NPAS2: variants seen among roughly 807,000 people sequenced by gnomAD.
NPAS2 encodes neuronal PAS domain-containing protein 2.
Under a neutral mutation model 107.5 loss-of-function variants are expected in NPAS2, and 23 were observed. The observed-to-expected ratio is 0.21, with a 90% CI of 0.15 to 0.30. The LOEUF (loss-of-function observed/expected upper bound fraction) is 0.30. Ranked by LOEUF, NPAS2 falls within the 10% of genes least tolerant of loss-of-function variation. The pLI, the probability that NPAS2 is intolerant of heterozygous loss-of-function variation, is 1.00. For missense variants in NPAS2, 756 were observed against 1,043.3 expected (o/e 0.72, Z 3.79); for synonymous variants, 403 against 417.5 (o/e 0.97, Z 0.42).
At chr2:100,980,904 CTT>C (rs767010372) in intron 15 of NPAS2, among the ~76,000 whole-genome samples, 2 of 152,128 alleles carry the variant, frequency 1.3e-5, no homozygotes, top group Non-Finnish European at 2.9e-5. Flanking sequence ...GCTCCTAAGA[CTT>C]GGGATTTACA....
At chr2:100,874,355 C>T (rs150114273) in intron 1 of NPAS2, among the ~76,000 whole-genome samples, 1 of 152,132 alleles carries the variant, frequency 6.6e-6, no homozygotes, top group African/African-American at 2.4e-5. Flanking sequence ...TTGCCATATG[C>T]GGAGCACCCC....
chr2:100,945,966 A>T (rs2105029497), intron 5 of NPAS2, among the ~76,000 whole-genome samples: 1 of 152,102 alleles, frequency 6.6e-6, no homozygotes. Context: ...GACATCAGGG[A>T]TGTGGTGGTG....
At chr2:100,927,185 C>T (rs906844557) in intron 3 of NPAS2, among the ~76,000 whole-genome samples, 6 of 152,158 alleles carry the variant, frequency 3.9e-5, no homozygotes, top group African/African-American at 7.2e-5. Flanking sequence ...TCACCCGCCC[C>T]GGCCTCCCAA....
intron 1 of NPAS2, among the ~76,000 whole-genome samples, chr2:100,871,340 T>G (rs1236020738): frequency 1.3e-5 from 2 of 151,350 alleles, no homozygotes; most frequent in East Asian, 1.9e-4. Flanking sequence ...TTTTTTTTTT[T>G]TTTTTTTTTA....
At chr2:100,836,839 A>T (rs150020227) in intron 1 of NPAS2, among the ~76,000 whole-genome samples, 1 of 152,302 alleles carries the variant, frequency 6.6e-6, no homozygotes, top group East Asian at 1.9e-4. Flanking sequence ...CCATTTTCCC[A>T]GATAGGGAAA....
chr2:100,900,614 T>C (rs192558744), intron 1 of NPAS2, among the ~76,000 whole-genome samples: 1 of 152,328 alleles, frequency 6.6e-6, no homozygotes, highest in African/African-American at 2.4e-5. Flanking sequence ...GACTTCTATA[T>C]GACTCAACAC....
At chr2:100,850,484 C>T (rs185693113) in intron 1 of NPAS2, among the ~76,000 whole-genome samples, 12 of 152,158 alleles carry the variant, frequency 7.9e-5, no homozygotes, top group Admixed American at 5.9e-4. Flanking sequence ...AGAAAAAGGA[C>T]GAGATCATTT....
chr2:100,894,492 G>T (rs960125674), intron 1 of NPAS2, among the ~76,000 whole-genome samples: 52 of 152,282 alleles, frequency 3.4e-4, no homozygotes, highest in African/African-American at 1.1e-3. Flanking sequence ...TCCCAAGGAG[G>T]AACTTCCCCT....
In NPAS2 at chr2:100,971,055, T is replaced by A. The variant is rs766798345; in HGVS notation, c.1121T>A (p.Leu374His). ...CTGGAAGACCCGCCATCCGAGGCCCTCCACTCCTCAGCACTAAAGGTACGC... is the reference window on the plus strand; with the variant it reads ...CTGGAAGACCCGCCATCCGAGGCCCACCACTCCTCAGCACTAAAGGTACGC... The part of the protein sequence containing the change: ...LALEDPPSEA[L>H]HSSALKDKGS... The change falls in exon 12 of 21, where the codon CTC becomes CAC. Residue 374 changes from leucine (L) to histidine (H), a missense_variant. Transcript: ENST00000335681. The A allele has an allele frequency of 6.2e-7, 1 of 1,614,068 alleles. No homozygotes were observed. The highest frequency in any genetic ancestry group is 8.5e-7 in the Non-Finnish European group (1 of 1,179,984).
chr2:100,850,011 TAAAAA>T (rs58359292), intron 1 of NPAS2, among the ~76,000 whole-genome samples: 27 of 56,210 alleles, frequency 4.8e-4, no homozygotes, highest in African/African-American at 1.8e-3. Context: ...ACTCTTTTTG[TAAAAA>T]AAAAAAAAAA....
chr2:100,977,867 G>A (rs1677125114), intron 15 of NPAS2, 68 bp downstream of exon 15: 1 of 1,344,946 alleles, frequency 7.4e-7, no homozygotes, highest in Non-Finnish European at 1.1e-6. Context: ...TGCGCTGATG[G>A]TCTTGTACAC....
intron 1 of NPAS2, among the ~76,000 whole-genome samples, chr2:100,840,415 C>T (rs1243938568): frequency 6.6e-6 from 1 of 152,132 alleles, no homozygotes; most frequent in Admixed American, 6.6e-5. Context: ...TTGAACTGCG[C>T]TGAAGGACAG....
intron 16 of NPAS2, chr2:100,986,904 T>G (rs1187059468): frequency 1.3e-5 from 2 of 152,362 alleles, no homozygotes; most frequent in East Asian, 3.9e-4. Context: ...AGCTAAGAAG[T>G]AAAATCTTTC....
At chr2:100,857,817 A>G (rs1020002240) in intron 1 of NPAS2, among the ~76,000 whole-genome samples, 5 of 152,230 alleles carry the variant, frequency 3.3e-5, no homozygotes, top group Non-Finnish European at 7.3e-5. Context: ...TCCCACTGAA[A>G]CAACCACATG....
intron 2 of NPAS2, among the ~76,000 whole-genome samples, chr2:100,908,207 G>A (rs1356830135): frequency 5.9e-5 from 9 of 152,128 alleles, no homozygotes; most frequent in East Asian, 1.9e-4. Context: ...GTCAAGTGGG[G>A]TGATAATAGT....
chr2:100,877,889 G>A (rs1680085962), intron 1 of NPAS2: 1 of 830,650 alleles, frequency 1.2e-6, no homozygotes, highest in Admixed American at 6.2e-5. Context: ...ACCTTCTCTT[G>A]TACAATACCA....
intron 1 of NPAS2, among the ~76,000 whole-genome samples, chr2:100,903,967 G>A (rs974679490): frequency 1.8e-4 from 28 of 152,174 alleles, no homozygotes; most frequent in African/African-American, 6.8e-4. Flanking sequence ...CAGTGGCCTG[G>A]GAGAGTAGAG....
chr2:100,910,525 T>TC (rs1267180409), intron 2 of NPAS2, among the ~76,000 whole-genome samples: 3 of 111,704 alleles, frequency 2.7e-5, no homozygotes, highest in African/African-American at 6.0e-5. Context: ...GACATCTTCT[T>TC]TTTTTTTTTT....
intron 19 of NPAS2, among the ~76,000 whole-genome samples, chr2:100,992,188 C>T (rs1013917908): frequency 2.0e-5 from 3 of 152,214 alleles, no homozygotes; most frequent in African/African-American, 7.2e-5. Context: ...CCAAGGCGGG[C>T]GGATCACCTG....
Sources: gnomAD v4.1 joint callset for allele counts (sites outside exome capture counted in the v4.1 genomes callset) on GRCh38, gnomAD v4.1.1 for gene constraint, MANE v1.5 for transcripts, NCBI Gene and HGNC (gene_info 2026-07-23, HGNC 2026-07-21) for gene names.